The following RFX6 variants were observed in gnomAD, a reference collection of about 807,000 sequenced individuals.
The protein encoded by RFX6 is regulatory factor X6.
In RFX6, 50 loss-of-function variants were observed where a neutral mutation model predicts 110.8. That is an observed-to-expected ratio of 0.45 (90% CI 0.36 to 0.57). The LOEUF is 0.57. Among genes scored for constraint, RFX6 ranks in the 20% least tolerant of loss-of-function variants. RFX6 has a pLI of 0.00. For missense variants in RFX6, 990 were observed against 1,127.0 expected (o/e 0.88, Z 1.74); for synonymous variants, 383 against 411.2 (o/e 0.93, Z 0.83).
In RFX6 at chr6:116,920,472, G is replaced by C; in HGVS notation, c.1327+18G>C. On this transcript the variant is annotated intron_variant, in intron 12 of 18. Coordinates refer to ENST00000332958, the MANE Select transcript of RFX6 (RefSeq NM_173560.4). Reference sequence around the variant, plus strand: ...CACTGAACGTAAGTCCATTCTCTTTGTTTAGAACAAGGTTTTCTAAGCTCA... The same window carrying C: ...CACTGAACGTAAGTCCATTCTCTTTCTTTAGAACAAGGTTTTCTAAGCTCA... 1 of 1,609,446 alleles carries C rather than the reference G, an allele frequency of 6.2e-7. No individual in the cohort carries two copies. Among genetic ancestry groups the C allele is most frequent in the South Asian group, 1.1e-5 (1 of 91,014 alleles).
At chr6:116,928,106 C>T (rs1775792032) in intron 17 of RFX6, among the ~76,000 whole-genome samples, 1 of 150,764 alleles carries the variant, frequency 6.6e-6, no homozygotes, top group East Asian at 1.9e-4. Context: ...ATAGTTAAAT[C>T]ATATGTTTGA....
chr6:116,922,782 C>T (rs1775629665), intron 13 of RFX6, among the ~76,000 whole-genome samples: 1 of 151,942 alleles, frequency 6.6e-6, no homozygotes, highest in African/African-American at 2.4e-5. Flanking sequence ...AATATATAGC[C>T]CTTCCTTCAC....
chr6:116,919,763 G>A (rs541238684), intron 11 of RFX6, among the ~76,000 whole-genome samples: 13 of 152,246 alleles, frequency 8.5e-5, no homozygotes, highest in African/African-American at 2.4e-4. Context: ...TTAAACTGCC[G>A]ACTAATCATG....
intron 6 of RFX6, among the ~76,000 whole-genome samples, chr6:116,901,120 G>A (rs1247082974): frequency 2.0e-5 from 3 of 152,128 alleles, no homozygotes; most frequent in Non-Finnish European, 2.9e-5. Context: ...TTGCCCTACT[G>A]TAACCTAAGG....
Position 116,927,117 on chromosome 6 carries a change from G to A in RFX6, c.1976G>A (p.Gly659Glu). The A allele has an allele frequency of 6.2e-7, 1 of 1,614,110 alleles. No individual in the cohort carries two copies. The highest frequency in any genetic ancestry group is 8.5e-7 in the Non-Finnish European group (1 of 1,180,008). Reference sequence around the variant, plus strand: ...AGCCGAGGAAGTGTCATTAACCAAGGACCAATGGCAGGGAGGCCCCCAAGT... The same window carrying A: ...AGCCGAGGAAGTGTCATTAACCAAGAACCAATGGCAGGGAGGCCCCCAAGT... ...MASRGSVINQ[G>E]PMAGRPPSVG... The change falls in exon 17 of 19, where the codon GGA becomes GAA. Residue 659 changes from glycine to glutamate, a missense_variant. Physicochemically the swap from Gly to Glu is moderately conservative, Grantham distance 98 (BLOSUM62 -2). Around this residue, in one of 5 missense-constraint regions of RFX6, gnomAD observed 438 missense variants for 441.9 expected, o/e 0.99. Transcript: ENST00000332958.
intron 7 of RFX6, among the ~76,000 whole-genome samples, chr6:116,911,906 A>C (rs1775360139): frequency 6.6e-6 from 1 of 152,204 alleles, no homozygotes; most frequent in Non-Finnish European, 1.5e-5. Flanking sequence ...TTGATTTAAA[A>C]AAAATTTATT....
At chr6:116,893,880 A>G in intron 4 of RFX6, 107 bp from the exon 5 acceptor site, 1 of 768,940 alleles carries the variant, frequency 1.3e-6, no homozygotes, top group East Asian at 2.5e-5. Context: ...AAAGGTCATC[A>G]GGGTTTGCAG....
At chr6:116,882,568 T>TAAAAAAA in intron 4 of RFX6, 140 bp downstream of exon 4, 1 of 466,710 alleles carries the variant, frequency 2.1e-6, no homozygotes, top group Non-Finnish European at 3.6e-6. Context: ...CTGTGAGAAC[T>TAAAAAAA]GAAAAAAAAA....
intron 15 of RFX6, 51 bp from the exon 16 acceptor site, chr6:116,925,402 G>A (rs369735285): frequency 4.1e-5 from 56 of 1,369,040 alleles, no homozygotes; most frequent in Non-Finnish European, 5.3e-5. Flanking sequence ...GTTTATCTAC[G>A]AGGAATGTGA....
chr6:116,923,556 C>A, intron 14 of RFX6: 1 of 283,860 alleles, frequency 3.5e-6, no homozygotes, highest in Non-Finnish European at 6.7e-6. Flanking sequence ...TAATGCATAG[C>A]AGCTATTATC....
At position 116,920,440 on chromosome 6, in the gene RFX6, G is replaced by C; in HGVS notation, c.1313G>C (p.Gly438Ala). Residue 438 changes from glycine (G) to alanine (A), a missense_variant, in exon 12 of 19, where the codon GGT becomes GCT. Coordinates refer to ENST00000332958, the MANE Select transcript of RFX6 (RefSeq NM_173560.4). The part of the protein sequence containing the change: ...TISGSTDTES[G>A]IYTEHDSITV... Reference sequence around the variant, plus strand: ...TCAGGCAGCACAGACACTGAATCTGGTATCTACACTGAACGTAAGTCCATT... The same window carrying C: ...TCAGGCAGCACAGACACTGAATCTGCTATCTACACTGAACGTAAGTCCATT... The C allele has an allele frequency of 6.2e-7, 1 of 1,612,776 alleles. No homozygotes were observed. Among genetic ancestry groups the C allele is most frequent in the Non-Finnish European group, 8.5e-7 (1 of 1,179,250 alleles).
chr6:116,895,270 C>A, intron 6 of RFX6, 63 bp downstream of exon 6: 1 of 891,416 alleles, frequency 1.1e-6, no homozygotes, highest in Non-Finnish European at 1.8e-6. Flanking sequence ...CTGAGCAATA[C>A]ATGTTAATTA....
At chr6:116,877,989 T>A (rs1774502726) in intron 2 of RFX6, 37 bp downstream of exon 2, 2 of 1,602,438 alleles carry the variant, frequency 1.2e-6, no homozygotes, top group Non-Finnish European at 1.7e-6. Context: ...AAGCACCTGT[T>A]GACGTTTTAA....
intron 6 of RFX6, among the ~76,000 whole-genome samples, chr6:116,896,661 T>C (rs561489662): frequency 6.6e-6 from 1 of 152,128 alleles, no homozygotes; most frequent in African/African-American, 2.4e-5. Flanking sequence ...TGAGCCATGA[T>C]TGTGCCACTG....
chr6:116,921,570 C>T (rs368199551), intron 12 of RFX6, among the ~76,000 whole-genome samples: 61 of 152,098 alleles, frequency 4.0e-4, no homozygotes, highest in African/African-American at 1.3e-3. Flanking sequence ...ATTTCGGGCA[C>T]ACTTCAAGAG....
At chr6:116,931,057 G>C (rs756371629) in intron 18 of RFX6, among the ~76,000 whole-genome samples, 5 of 152,150 alleles carry the variant, frequency 3.3e-5, no homozygotes, top group Non-Finnish European at 7.4e-5. Context: ...GATGGAAAGA[G>C]GAGGTTGATT....
intron 7 of RFX6, among the ~76,000 whole-genome samples, chr6:116,912,709 G>C (rs1054786453): frequency 3.9e-5 from 6 of 152,012 alleles, no homozygotes; most frequent in Non-Finnish European, 8.8e-5. Context: ...GAGAGAGAGG[G>C]GGACCAAAAA....
At chr6:116,908,280 C>A (rs1289337166) in intron 6 of RFX6, among the ~76,000 whole-genome samples, 1 of 152,064 alleles carries the variant, frequency 6.6e-6, no homozygotes, top group Non-Finnish European at 1.5e-5. Context: ...GCTTATTTCA[C>A]TTGCCATAAT....
rs765574954 is a variant in RFX6, at chr6:116,877,533, G to A, written c.223+35G>A. ...CTGCCGCATCCGGAGCTGGGAAGGG[G>A]ACGGGGACGTATTCTAAGAAGGGCA... On this transcript the variant is annotated intron_variant, in intron 1 of 18. Transcript: ENST00000332958. 4 of 1,483,502 alleles carry A rather than the reference G, an allele frequency of 2.7e-6. No homozygotes were observed. The East Asian group carries it at 7.4e-5, about 27-fold the overall frequency. 91.9% of individuals were successfully genotyped at this position (1,483,502 alleles called of 1,614,324 possible). A position where few individuals can be genotyped will look rare whatever the true frequency, so the allele number is the denominator to read the frequency against.
Sources: gnomAD v4.1 joint callset for allele counts (sites outside exome capture counted in the v4.1 genomes callset) on GRCh38, gnomAD v4.1.1 for gene constraint, gnomAD v4.1.1 regional missense constraint, MANE v1.5 for transcripts, NCBI Gene and HGNC (gene_info 2026-07-23, HGNC 2026-07-21) for gene names.